The following ACLY variants were observed in gnomAD, a reference collection of about 807,000 sequenced individuals.
ACLY encodes ATP-citrate synthase.
A neutral mutation model predicts 133.0 loss-of-function variants in ACLY; 41 were observed. That is an observed-to-expected ratio of 0.31 (90% CI 0.24 to 0.40). The LOEUF (loss-of-function observed/expected upper bound fraction) is 0.40, where lower values mean the gene tolerates loss of function less well. Among genes scored for constraint, ACLY ranks in the 10% least tolerant of loss-of-function variants. The pLI, the probability that ACLY is intolerant of heterozygous loss-of-function variation, is 1.00. For synonymous variants in ACLY, 495 were observed against 549.3 expected (o/e 0.90, Z 1.38); for missense variants, 1,046 against 1,453.8 (o/e 0.72, Z 4.56).
intron 28 of ACLY, 69 bp from the exon 29 acceptor site, chr17:41,867,973 A>C: frequency 8.6e-7 from 1 of 1,162,884 alleles, no homozygotes; most frequent in Non-Finnish European, 1.2e-6. Context: ...AGGCTAAGGA[A>C]GGGAAATCTT....
chr17:41,885,996 A>G (rs1225665202), intron 18 of ACLY, 116 bp downstream of exon 18: 7 of 980,304 alleles, frequency 7.1e-6, no homozygotes, highest in Admixed American at 3.8e-5. Flanking sequence ...AGACTTCAGC[A>G]GCATTCCTGC....
chr17:41,914,928 C>A (rs12950195), intron 1 of ACLY, among the ~76,000 whole-genome samples: 23,383 of 152,110 alleles, frequency 0.15, 1,936 homozygotes, highest in East Asian at 0.18. Context: ...GGGAGGTACA[C>A]TGAGATTTAT....
intron 6 of ACLY, among the ~76,000 whole-genome samples, chr17:41,907,842 T>A (rs570054563): frequency 6.6e-6 from 1 of 152,282 alleles, no homozygotes; most frequent in East Asian, 1.9e-4. Flanking sequence ...TTTTCAAACA[T>A]CTTTACAAAA....
intron 25 of ACLY, among the ~76,000 whole-genome samples, chr17:41,871,371 A>G (rs1171036427): frequency 9.9e-5 from 12 of 121,364 alleles, no homozygotes; most frequent in African/African-American, 3.5e-4. Context: ...TTTTTTTTTG[A>G]GATGGAGTTT....
chr17:41,871,231 C>T (rs1430455769), intron 25 of ACLY, among the ~76,000 whole-genome samples: 11 of 152,180 alleles, frequency 7.2e-5, no homozygotes, highest in Admixed American at 6.5e-4. Flanking sequence ...AAAATAGCTG[C>T]TTTGTATTTG....
At position 41,898,797 on chromosome 17, in the gene ACLY, G is replaced by A. The variant is rs1555630956; in HGVS notation, c.1184-12C>T. ...CCCAGTGGTCTTCCCTGCAAGGGAA[G>A]GAAAAAAAAATCCATAATTCAAGTC... On this transcript the variant is annotated splice_polypyrimidine_tract_variant and intron_variant, in intron 11 of 28. Coordinates refer to ENST00000352035, the MANE Select transcript of ACLY (RefSeq NM_001096.3). 5.0e-6 allele frequency: 8 copies of A among 1,603,612 alleles called. No individual in the cohort carries two copies. The Admixed American group carries it at 7.1e-5, about 14-fold the overall frequency.
At chr17:41,923,913 C>T (rs548716732), upstream of ACLY, among the ~76,000 whole-genome samples, 6 of 152,080 alleles carry the variant, frequency 3.9e-5, no homozygotes, top group South Asian at 2.1e-4. Flanking sequence ...CAGGTTCAAA[C>T]GATTCTCCTG....
rs139094620 is a variant in ACLY at position 41,885,140 on chromosome 17, A to G, written c.2073-866T>C. On this transcript the variant is annotated intron_variant, in intron 18 of 28. Coordinates refer to ENST00000352035, the MANE Select transcript of ACLY (RefSeq NM_001096.3). ...AACAATCCTCCTCCCTCAGCCCCCC[A>G]AAGTGCTGGGATTATAGGCATAAGC... 6.6e-3 allele frequency among the ~76,000 whole-genome samples: 999 copies of G among 152,010 alleles called. 18 individuals are homozygous for G. The highest frequency in any genetic ancestry group is 7.8e-3 in the Non-Finnish European group (532 of 68,008).
intron 4 of ACLY, 46 bp downstream of exon 4, chr17:41,910,176 G>T: frequency 6.3e-7 from 1 of 1,584,502 alleles, no homozygotes; most frequent in Non-Finnish European, 8.6e-7. Context: ...ACAAACCCAA[G>T]GTTCCAGGAG....
chr17:41,905,509 G>A lies in ACLY; in HGVS notation c.1003+13C>T, dbSNP rs782743205. ...GAAGTGGGGACAGGTATGTGTGTGTGCAAGTATCTCACCATCTGGGTGCTT... is the reference window on the plus strand; with the variant it reads ...GAAGTGGGGACAGGTATGTGTGTGTACAAGTATCTCACCATCTGGGTGCTT... On this transcript the variant is annotated intron_variant, in intron 9 of 28. Coordinates refer to ENST00000352035, the MANE Select transcript of ACLY (RefSeq NM_001096.3). 1 of 1,614,068 alleles carries A rather than the reference G, an allele frequency of 6.2e-7. No individual in the cohort carries two copies. Among genetic ancestry groups the A allele is most frequent in the African/African-American group, 1.3e-5 (1 of 74,942 alleles).
intron 23 of ACLY, 103 bp from the exon 24 acceptor site, chr17:41,872,285 C>T: frequency 1.7e-6 from 2 of 1,162,300 alleles, no homozygotes; most frequent in South Asian, 1.4e-5. Flanking sequence ...AGGGTAACTA[C>T]CAATCCAAGT....
upstream of ACLY, among the ~76,000 whole-genome samples, chr17:41,922,857 T>G (rs1555635599): frequency 6.6e-6 from 1 of 152,208 alleles, no homozygotes; most frequent in Non-Finnish European, 1.5e-5. Flanking sequence ...AGAGGGCCCA[T>G]GAGCCAGCCA....
chr17:41,878,689 A>C, intron 21 of ACLY, 108 bp downstream of exon 21: 3 of 1,386,318 alleles, frequency 2.2e-6, no homozygotes, highest in Non-Finnish European at 3.0e-6. Context: ...TGCGCTAGAC[A>C]CCGAGAGGGA....
At chr17:41,920,224 C>T (rs1246692857), upstream of ACLY, among the ~76,000 whole-genome samples, 2 of 152,214 alleles carry the variant, frequency 1.3e-5, no homozygotes, top group African/African-American at 4.8e-5. Flanking sequence ...CAAGTGTTCC[C>T]TGATGATGTC....
intron 15 of ACLY, 149 bp from the exon 16 acceptor site, chr17:41,892,596 G>A: frequency 1.4e-6 from 1 of 701,830 alleles, no homozygotes; most frequent in East Asian, 2.8e-5. Context: ...AGATCCCCCA[G>A]GAATACTGAC....
At position 41,905,540 on chromosome 17, in the gene ACLY, G is replaced by A. The variant is rs143406536; in HGVS notation, c.985C>T (p.Arg329Ter). Residue 329 changes from arginine (R) to a stop codon, truncating the protein, a stop_gained, in exon 9 of 29, where the codon CGA becomes TGA. Coordinates refer to ENST00000352035, the MANE Select transcript of ACLY (RefSeq NM_001096.3). LOFTEE classifies it high-confidence loss of function. ...YAKTILSLMT[R>*]EKHPDGKILI... ...ATCTCACCATCTGGGTGCTTCTCTC[G>A]GGTCATGAGGGAGAGGATAGTCTTG... 3.7e-6 allele frequency: 6 copies of A among 1,614,152 alleles called. No homozygotes were observed. The highest frequency in any genetic ancestry group is 1.7e-5 in the Admixed American group (1 of 60,018).
rs574049478 is a variant in ACLY, at chr17:41,884,610, C to T, written c.2073-336G>A. ...AATATATCCACAAATTCCGGCCAGG[C>T]GCAGTGGCTCACGCCTGTAATCCCA... On this transcript the variant is annotated intron_variant, in intron 18 of 28. Transcript: ENST00000352035. Among the ~76,000 whole-genome samples the T allele has an allele frequency of 1.9e-3, 284 of 152,286 alleles. 2 individuals are homozygous for T. Among genetic ancestry groups the T allele is most frequent in the Admixed American group, 4.4e-3 (68 of 15,294 alleles).
At chr17:41,914,646 CGT>C (rs1555634223) in intron 1 of ACLY, among the ~76,000 whole-genome samples, 3 of 152,184 alleles carry the variant, frequency 2.0e-5, no homozygotes, top group African/African-American at 7.2e-5. Context: ...CGCCCCACTG[CGT>C]CATCCAGCTG....
chr17:41,906,322 A>AT (rs1326335593), intron 8 of ACLY, among the ~76,000 whole-genome samples: 1 of 152,170 alleles, frequency 6.6e-6, no homozygotes, highest in Non-Finnish European at 1.5e-5. Context: ...AAACAGCTTC[A>AT]TTTTGACACA....
Sources: allele counts gnomAD v4.1 joint callset (sites outside exome capture counted in the v4.1 genomes callset), GRCh38; gene constraint gnomAD v4.1.1; transcripts MANE v1.5; gene names NCBI Gene and HGNC (gene_info 2026-07-23, HGNC 2026-07-21).